Variants in PRIM2 observed in about 807,000 individuals in gnomAD.
The protein encoded by PRIM2 is DNA primase subunit 2.
In PRIM2, 39 loss-of-function variants were observed where a neutral mutation model predicts 67.3. That is an observed-to-expected ratio of 0.58 (90% confidence interval 0.45 to 0.76). The LOEUF (loss-of-function observed/expected upper bound fraction) is 0.76, where lower values mean the gene tolerates loss of function less well. Ranked by LOEUF, PRIM2 falls within the 30% of genes least tolerant of loss-of-function variation. The probability of loss-of-function intolerance (pLI) is 0.00; values close to 1 mark genes in which losing one functional copy is unlikely to be tolerated. For missense variants in PRIM2, 398 were observed against 598.7 expected, an observed-to-expected ratio of 0.66 and a Z score of 3.50; for synonymous variants, 143 against 198.7, an observed-to-expected ratio of 0.72 and a Z score of 2.36.
chr6:57,471,055 C>T (rs1310183894), intron 7 of PRIM2, among the ~76,000 whole-genome samples: 1 of 152,016 alleles, frequency 6.6e-6, no homozygotes, highest in Non-Finnish European at 1.5e-5. Context: ...CTCCTTGTGA[C>T]ACAGATTTAT....
At chr6:57,351,484 A>G (rs1001265096) in intron 5 of PRIM2, among the ~76,000 whole-genome samples, 1 of 152,194 alleles carries the variant, frequency 6.6e-6, no homozygotes, top group Non-Finnish European at 1.5e-5. Context: ...GATGTGAACT[A>G]TATTAGTAGC....
At chr6:57,611,036 A>G (rs1410037588) in intron 12 of PRIM2, among the ~76,000 whole-genome samples, 2 of 152,218 alleles carry the variant, frequency 1.3e-5, no homozygotes, top group Non-Finnish European at 2.9e-5. Context: ...GGAAAAGAAG[A>G]AAGAAAACCT....
the PRIM2 span, among the ~76,000 whole-genome samples, chr6:57,273,332 A>T: frequency 6.6e-6 from 1 of 151,994 alleles, no homozygotes; most frequent in African/African-American, 2.4e-5. Flanking sequence ...ATTTCTTTTT[A>T]TTCTGTTTTC....
intron 5 of PRIM2, among the ~76,000 whole-genome samples, chr6:57,377,230 C>T (rs1769797683): frequency 1.3e-5 from 2 of 152,014 alleles, no homozygotes; most frequent in African/African-American, 4.8e-5. Flanking sequence ...TCAATTAGGC[C>T]AATAGTTTTA....
the PRIM2 span, among the ~76,000 whole-genome samples, chr6:57,295,130 A>G: frequency 6.6e-6 from 1 of 152,162 alleles, no homozygotes; most frequent in Admixed American, 6.5e-5. Flanking sequence ...TATTTTTCAT[A>G]ATAAGGATAT....
chr6:57,303,120 A>C, the PRIM2 span, among the ~76,000 whole-genome samples: 1 of 152,140 alleles, frequency 6.6e-6, no homozygotes, highest in Non-Finnish European at 1.5e-5. Context: ...GTTTGTATAT[A>C]TTTATAGCTA....
At chr6:57,512,120 A>T (rs1252122209) in intron 8 of PRIM2, among the ~76,000 whole-genome samples, 4 of 152,112 alleles carry the variant, frequency 2.6e-5, no homozygotes, top group Non-Finnish European at 5.9e-5. Flanking sequence ...ACAAAAAAGG[A>T]TAGTGGTATG....
At chr6:57,402,959 T>C (rs1265666072) in intron 7 of PRIM2, among the ~76,000 whole-genome samples, 1 of 152,066 alleles carries the variant, frequency 6.6e-6, no homozygotes, top group Non-Finnish European at 1.5e-5. Context: ...GTTTTAGCAA[T>C]AGGGATATGA....
In PRIM2 at chr6:57,590,342, A is replaced by G. The variant is rs1306533609; in HGVS notation, c.1021-10751A>G. On this transcript the variant is annotated intron_variant, in intron 10 of 13. Transcript: ENST00000615550. ...CTGTTAAAGAAAAATAAGAGATAGT[A>G]GTTAAAATGGTAAAAACAGATTTTA... is the stretch of plus-strand genomic sequence containing the variant. 2.0e-5 allele frequency among the ~76,000 whole-genome samples: 3 copies of G among 152,360 alleles called. No individual in the cohort carries two copies. In the East Asian group the frequency reaches 5.8e-4, roughly 29 times the overall value.
the PRIM2 span, among the ~76,000 whole-genome samples, chr6:57,277,333 A>G: frequency 1.3e-5 from 2 of 152,144 alleles, no homozygotes; most frequent in Non-Finnish European, 1.5e-5. Flanking sequence ...CTGGCAGGCA[A>G]ATTCTGTATC....
At chr6:57,599,978 G>C (rs1192443641) in intron 10 of PRIM2, among the ~76,000 whole-genome samples, 34 of 152,034 alleles carry the variant, frequency 2.2e-4, no homozygotes, top group Non-Finnish European at 4.6e-4. Context: ...TGTAGAGATG[G>C]GTTTTGGAAT....
chr6:57,595,280 T>A (rs1413921979), intron 10 of PRIM2, among the ~76,000 whole-genome samples: 1 of 152,178 alleles, frequency 6.6e-6, no homozygotes, highest in Non-Finnish European at 1.5e-5. Context: ...GGCCACTTGA[T>A]TGAGAATAGC....
At chr6:57,522,954 T>C (rs1774656959) in intron 8 of PRIM2, among the ~76,000 whole-genome samples, 1 of 152,204 alleles carries the variant, frequency 6.6e-6, no homozygotes, top group Non-Finnish European at 1.5e-5. Flanking sequence ...CTTCCAGATA[T>C]CAGGTTATTC....
intron 5 of PRIM2, among the ~76,000 whole-genome samples, chr6:57,353,645 G>A (rs1768928628): frequency 6.6e-6 from 1 of 152,180 alleles, no homozygotes; most frequent in South Asian, 2.1e-4. Context: ...CTTTTTAGTA[G>A]ATTACTATCG....
intron 12 of PRIM2, among the ~76,000 whole-genome samples, chr6:57,614,181 A>C (rs1452667710): frequency 1.3e-5 from 2 of 152,130 alleles, no homozygotes; most frequent in Admixed American, 1.3e-4. Flanking sequence ...CTCAAACCTT[A>C]TTGTGAACTG....
At chr6:57,327,474 A>G (rs1767904072) in intron 5 of PRIM2, among the ~76,000 whole-genome samples, 1 of 152,212 alleles carries the variant, frequency 6.6e-6, no homozygotes. Flanking sequence ...AGGGAAGTGA[A>G]CAAACATTTT....
chr6:57,485,435 T>C (rs1773731020), intron 7 of PRIM2, among the ~76,000 whole-genome samples: 1 of 152,176 alleles, frequency 6.6e-6, no homozygotes, highest in South Asian at 2.1e-4. Context: ...GAGTTCTGCC[T>C]AATATCAAGG....
chr6:57,422,763 G>T (rs1244840057), intron 7 of PRIM2, among the ~76,000 whole-genome samples: 1 of 151,594 alleles, frequency 6.6e-6, no homozygotes, highest in Non-Finnish European at 1.5e-5. Context: ...TGCTAAACAG[G>T]TTTTTTTTCC....
chr6:57,343,191 T>C lies in PRIM2; in HGVS notation c.459+17146T>C, dbSNP rs527460767. ...TGAGATACTGCAAGTTGGCCTTAAA[T>C]AGTCATAGTTTTTTGATCATTTTGG... On this transcript the variant is annotated intron_variant, in intron 5 of 13. Coordinates refer to ENST00000615550, the MANE Select transcript of PRIM2 (RefSeq NM_000947.5). Among the ~76,000 whole-genome samples, 6 of 152,346 alleles carry C rather than the reference T, an allele frequency of 3.9e-5. No homozygotes were observed. The South Asian group carries it at 1.0e-3, about 26-fold the overall frequency.
Sources: gnomAD v4.1 joint callset for allele counts (sites outside exome capture counted in the v4.1 genomes callset) on GRCh38, gnomAD v4.1.1 for gene constraint, MANE v1.5 for transcripts, NCBI Gene and HGNC (gene_info 2026-07-23, HGNC 2026-07-21) for gene names.